The following TENM4 variants were observed in gnomAD, a reference collection of about 807,000 sequenced individuals.
The protein encoded by TENM4 is teneurin transmembrane protein 4.
Under a neutral mutation model 243.3 loss-of-function variants are expected in TENM4, and 82 were observed. The ratio of observed to expected loss-of-function variants is 0.34; its 90% CI spans 0.28 to 0.40. The LOEUF (loss-of-function observed/expected upper bound fraction) is 0.40. Among genes scored for constraint, TENM4 ranks in the 10% least tolerant of loss-of-function variants. The pLI, the probability that TENM4 is intolerant of heterozygous loss-of-function variation, is 1.00. For synonymous variants in TENM4, 1,412 were observed against 1,456.3 expected (o/e 0.97, Z 0.69); for missense variants, 3,138 against 3,673.3 (o/e 0.85, Z 3.77).
intron 4 of TENM4, among the ~76,000 whole-genome samples, chr11:79,115,972 T>C (rs1352324672): frequency 6.6e-6 from 1 of 152,220 alleles, no homozygotes; most frequent in Non-Finnish European, 1.5e-5. Flanking sequence ...GAATTTTCTC[T>C]GCCTTGGAGT....
chr11:79,274,899 G>C (rs138608285), intron 2 of TENM4, among the ~76,000 whole-genome samples: 1 of 152,130 alleles, frequency 6.6e-6, no homozygotes, highest in Non-Finnish European at 1.5e-5. Context: ...ACTTCTCCCC[G>C]GGCCTCAGTT....
intron 1 of TENM4, among the ~76,000 whole-genome samples, chr11:79,355,556 A>C (rs477988): frequency 0.59 from 89,627 of 151,096 alleles, 26,854 homozygotes; most frequent in African/African-American, 0.62. Flanking sequence ...AAACAAAACA[A>C]TTGAACCCTC....
At chr11:79,354,740 A>G (rs538519166) in intron 1 of TENM4, among the ~76,000 whole-genome samples, 4 of 152,332 alleles carry the variant, frequency 2.6e-5, no homozygotes, top group African/African-American at 7.2e-5. Context: ...TGAAAAATTA[A>G]AGTTGCACAG....
intron 25 of TENM4, among the ~76,000 whole-genome samples, chr11:78,716,679 T>C (rs1475706366): frequency 6.6e-6 from 1 of 152,190 alleles, no homozygotes; most frequent in African/African-American, 2.4e-5. Flanking sequence ...ATCTATACCT[T>C]TGAGATCTCT....
At position 79,139,886 on chromosome 11, in the gene TENM4, C is replaced by T. The variant is rs1243590158; in HGVS notation, c.-66+8824G>A. On this transcript the variant is annotated intron_variant, in intron 4 of 33. Transcript: ENST00000278550. ...CCATTAGTTCTGTCCCTCTAGAGAA[C>T]GCTGAGTAATACAGATGGCATAAGT... is the stretch of plus-strand genomic sequence containing the variant. Among the ~76,000 whole-genome samples the T allele has an allele frequency of 4.1e-5, 6 of 145,074 alleles. No individual in the cohort carries two copies. The South Asian group carries it at 6.4e-4, about 15-fold the overall frequency.
intron 32 of TENM4, among the ~76,000 whole-genome samples, chr11:78,664,449 C>A (rs1565320457): frequency 6.6e-6 from 1 of 152,058 alleles, no homozygotes; most frequent in African/African-American, 2.4e-5. Context: ...TGGTTTGGAA[C>A]CCCCAGGCTA....
rs375944424 is a variant in TENM4, at chr11:78,771,086, A to G, written c.2445T>C (p.Asn815=). 4 of 1,575,510 alleles carry G rather than the reference A, an allele frequency of 2.5e-6. No homozygotes were observed. In the African/African-American group the frequency reaches 5.4e-5, roughly 21 times the overall value. Residue 815 remains asparagine (N), a synonymous_variant, in exon 18 of 34, where the codon AAT becomes AAC. Transcript: ENST00000278550. The stretch of plus-strand genomic sequence containing the variant: ...CCAGCTGGCAGACGCAGTGCCAACC[A>G]TTCAGGTCTAAGGTACATCTGCCGT... ...NGNGRCTLDL[N]GWHCVCQLGW...
intron 28 of TENM4, 42 bp from the exon 29 acceptor site, chr11:78,688,268 G>A (rs1455756397): frequency 5.7e-6 from 9 of 1,582,606 alleles, no homozygotes; most frequent in Non-Finnish European, 6.9e-6. Context: ...AAATATAATG[G>A]TGCTCTAGCT....
intron 2 of TENM4, among the ~76,000 whole-genome samples, chr11:79,220,175 T>C (rs1038473709): frequency 2.0e-5 from 3 of 152,210 alleles, no homozygotes; most frequent in African/African-American, 7.2e-5. Flanking sequence ...CCTAATGCAC[T>C]CAGAACTGTA....
chr11:79,106,213 G>T (rs1189407237), intron 4 of TENM4, among the ~76,000 whole-genome samples: 2 of 152,212 alleles, frequency 1.3e-5, no homozygotes, highest in Admixed American at 1.3e-4. Flanking sequence ...CCTAACTCAA[G>T]TCTAGCGCCA....
At chr11:78,814,542 T>G in intron 12 of TENM4, 147 bp from the exon 13 acceptor site, 1 of 670,862 alleles carries the variant, frequency 1.5e-6, no homozygotes, top group Non-Finnish European at 2.6e-6. Context: ...GTTAAAATTC[T>G]ATGTTATTTT....
rs531268709 is a variant in TENM4, at chr11:78,772,476, G to A, written c.2393-1338C>T. The stretch of plus-strand genomic sequence containing the variant: ...GTGAAAGCACTGTGTCAGCTATAAA[G>A]CTTCATTTGTTTTATTATTATGAGC... On this transcript the variant is annotated intron_variant, in intron 17 of 33. Coordinates refer to ENST00000278550, the MANE Select transcript of TENM4 (RefSeq NM_001098816.3). 9.2e-5 allele frequency among the ~76,000 whole-genome samples: 14 copies of A among 152,250 alleles called. No individual in the cohort carries two copies. In the South Asian group the frequency reaches 1.0e-3, roughly 11 times the overall value.
chr11:79,209,596 C>G (rs1863917814), intron 3 of TENM4, among the ~76,000 whole-genome samples: 1 of 152,176 alleles, frequency 6.6e-6, no homozygotes, highest in African/African-American at 2.4e-5. Flanking sequence ...CCGCGGGCAT[C>G]CTGAGTGCTC....
intron 1 of TENM4, among the ~76,000 whole-genome samples, chr11:79,386,169 A>C (rs1352697902): frequency 6.6e-6 from 1 of 152,188 alleles, no homozygotes; most frequent in African/African-American, 2.4e-5. Flanking sequence ...GTGGGGAAAG[A>C]GTGGTCTTTA....
intron 18 of TENM4, among the ~76,000 whole-genome samples, chr11:78,760,670 T>C (rs963027426): frequency 6.6e-6 from 1 of 152,224 alleles, no homozygotes; most frequent in African/African-American, 2.4e-5. Context: ...GTGTCTCTCA[T>C]TAGTTCTGCA....
At chr11:79,156,659 C>T (rs1331407709) in intron 3 of TENM4, among the ~76,000 whole-genome samples, 3 of 152,176 alleles carry the variant, frequency 2.0e-5, no homozygotes, top group South Asian at 4.1e-4. Flanking sequence ...TTCTTTCTCC[C>T]CTGCTGGTGC....
rs1166454739 is a variant in TENM4 at position 78,702,156 on chromosome 11, G to C, written c.4457C>G (p.Thr1486Ser). The change falls in exon 28 of 34, where the codon ACT becomes AGT. Residue 1486 changes from threonine to serine, a missense_variant. Transcript: ENST00000278550. ...SHNGVLYIAE[T>S]DEKKINRIRQ... ...GATGCGGTTGATCTTTTTCTCATCA[G>C]TCTCAGCAATATACAGGACCCCATT... The C allele has an allele frequency of 6.2e-7, 1 of 1,613,980 alleles. No homozygotes were observed.
intron 1 of TENM4, among the ~76,000 whole-genome samples, chr11:79,435,486 C>T (rs1482758618): frequency 6.6e-6 from 1 of 152,180 alleles, no homozygotes. Flanking sequence ...AGGTAGAAAT[C>T]GGCCCCTTAG....
At chr11:79,424,321 C>G (rs1859002416) in intron 1 of TENM4, among the ~76,000 whole-genome samples, 2 of 152,136 alleles carry the variant, frequency 1.3e-5, no homozygotes, top group African/African-American at 4.8e-5. Flanking sequence ...GCAAAGTTGG[C>G]CAGGTGCAGT....
Sources: gnomAD v4.1 joint callset for allele counts (sites outside exome capture counted in the v4.1 genomes callset) on GRCh38, gnomAD v4.1.1 for gene constraint, MANE v1.5 for transcripts, NCBI Gene and HGNC (gene_info 2026-07-23, HGNC 2026-07-21) for gene names.